DAAM2: variants seen among roughly 807,000 people sequenced by gnomAD.
The protein encoded by DAAM2 is dishevelled associated activator of morphogenesis 2, also known as disheveled-associated activator of morphogenesis 2.
DAAM2 carries 39 observed loss-of-function variants against 120.7 expected under a neutral mutation model. That is an observed-to-expected ratio of 0.32 (90% CI 0.25 to 0.42). DAAM2 has a LOEUF of 0.42. DAAM2 is among the 10% of genes least tolerant of loss of function. The pLI is 1.00. For missense variants in DAAM2, 1,283 were observed against 1,401.7 expected (o/e 0.92, Z 1.35); for synonymous variants, 488 against 524.9 (o/e 0.93, Z 0.96).
chr6:39,882,734 T>C (rs894252879), intron 14 of DAAM2, among the ~76,000 whole-genome samples: 14 of 149,918 alleles, frequency 9.3e-5, no homozygotes, highest in Admixed American at 3.3e-4. Context: ...CACACACACA[T>C]ACACACACTC....
Position 39,870,460 on chromosome 6 carries a change from C to G in DAAM2, c.977+17C>G. 1 of 1,497,154 alleles carries G rather than the reference C, an allele frequency of 6.7e-7. No individual in the cohort carries two copies. The highest frequency in any genetic ancestry group is 9.1e-7 in the Non-Finnish European group (1 of 1,094,228). 92.7% of individuals were successfully genotyped at this position (1,497,154 alleles called of 1,614,324 possible). ...CCTGGACAAGTAAGTTCCAAGCACC[C>G]GTCTCCATTGCAAACCTGTGGGGAC... On this transcript the variant is annotated intron_variant, in intron 8 of 24. Coordinates refer to ENST00000274867, the MANE Select transcript of DAAM2 (RefSeq NM_001201427.2).
intron 1 of DAAM2, among the ~76,000 whole-genome samples, chr6:39,852,552 T>G (rs1329975810): frequency 6.6e-6 from 1 of 151,924 alleles, no homozygotes; most frequent in Non-Finnish European, 1.5e-5. Context: ...GCAGGGCGAG[T>G]CTTACCTTGC....
In DAAM2 at chr6:39,901,486, C is replaced by CCAGG. The variant is rs779962317; in HGVS notation, c.2982+16_2982+19dup. 6.3e-7 allele frequency: 1 copy of CCAGG among 1,598,700 alleles called. No individual in the cohort carries two copies. Among genetic ancestry groups the CCAGG allele is most frequent in the Admixed American group, 1.7e-5 (1 of 59,772 alleles). ...ATGGAAGCCATGGTGAGGGGCAGTG[C>CCAGG]CAGGCCTGGGACTGAGGGGAGACGG... On this transcript the variant is annotated intron_variant, in intron 24 of 24. Coordinates refer to ENST00000274867, the MANE Select transcript of DAAM2 (RefSeq NM_001201427.2). The surrounding 1 kb of genome is among the most constrained non-coding windows in gnomAD (Gnocchi z 4.5).
Position 39,904,078 on chromosome 6 carries a change from G to C in DAAM2, c.*2041G>C. ...TCAACCTAACCCCCTCAGGGGCAGGGAACAGGGGAGGGCTCCACAAGCGTG... is the reference window on the plus strand; with the variant it reads ...TCAACCTAACCCCCTCAGGGGCAGGCAACAGGGGAGGGCTCCACAAGCGTG... On this transcript the variant is annotated 3_prime_UTR_variant, in exon 25 of 25. Coordinates refer to ENST00000274867, the MANE Select transcript of DAAM2 (RefSeq NM_001201427.2). The C allele has an allele frequency of 2.4e-6, 1 of 414,318 alleles. No individual in the cohort carries two copies. Among genetic ancestry groups the C allele is most frequent in the Non-Finnish European group, 4.8e-6 (1 of 207,982 alleles). The allele number at this position is 414,318 out of a possible 1,614,324, so 25.7% of individuals were successfully genotyped here.
chr6:39,871,767 T>C (rs764904797), intron 9 of DAAM2, among the ~76,000 whole-genome samples, 195 bp downstream of exon 9: 64 of 152,042 alleles, frequency 4.2e-4, no homozygotes, highest in African/African-American at 1.5e-3. Flanking sequence ...TATATAGAGA[T>C]AGACAGATGA....
chr6:39,880,028 G>C (rs1305278082), intron 14 of DAAM2: 1 of 185,358 alleles, frequency 5.4e-6, no homozygotes, highest in African/African-American at 2.4e-5. Context: ...GGTAGGGCTT[G>C]ATTCCTCTAT....
In DAAM2 at chr6:39,837,233, A is replaced by T. The variant is rs186861571; in HGVS notation, c.-56-19014A>T. 1.5e-3 allele frequency among the ~76,000 whole-genome samples: 222 copies of T among 152,232 alleles called. 2 individuals are homozygous for T. The highest frequency in any genetic ancestry group is 0.012 in the Admixed American group (180 of 15,302). On this transcript the variant is annotated intron_variant, in intron 1 of 24. Coordinates refer to ENST00000274867, the MANE Select transcript of DAAM2 (RefSeq NM_001201427.2). Reference sequence around the variant, plus strand: ...CTCCCCCGTCTCTCTTGGATCTGCCACCTGCAGGGTGGGTGCATCTTGGCA... The same window carrying T: ...CTCCCCCGTCTCTCTTGGATCTGCCTCCTGCAGGGTGGGTGCATCTTGGCA...
At chr6:39,847,819 C>T (rs9462580) in intron 1 of DAAM2, among the ~76,000 whole-genome samples, 49,463 of 151,948 alleles carry the variant, frequency 0.33, 9,109 homozygotes, top group Non-Finnish European at 0.41. Flanking sequence ...CCAGAAATGT[C>T]TCTTCTAATC....
intron 1 of DAAM2, among the ~76,000 whole-genome samples, chr6:39,834,788 G>A (rs568518090): frequency 7.2e-5 from 11 of 152,262 alleles, no homozygotes; most frequent in African/African-American, 2.4e-4. Context: ...CCAATGCCCC[G>A]GGAATTCTGA....
intron 1 of DAAM2, among the ~76,000 whole-genome samples, chr6:39,825,814 C>T (rs901710291): frequency 6.6e-6 from 1 of 152,180 alleles, no homozygotes; most frequent in Non-Finnish European, 1.5e-5. Flanking sequence ...GATTCTCTTG[C>T]AGTTCACAGC....
At chr6:39,831,311 G>A (rs1055278350) in intron 1 of DAAM2, among the ~76,000 whole-genome samples, 2 of 152,082 alleles carry the variant, frequency 1.3e-5, no homozygotes, top group Non-Finnish European at 2.9e-5. Context: ...GAGCGGGGCT[G>A]CTATTTCAGA....
chr6:39,889,680 T>C (rs1220270103), intron 17 of DAAM2, among the ~76,000 whole-genome samples: 3 of 152,314 alleles, frequency 2.0e-5, no homozygotes, highest in African/African-American at 7.2e-5. Context: ...ACTTTTGACT[T>C]CCCAACAACT....
At chr6:39,802,448 A>G (rs552267901) in intron 1 of DAAM2, among the ~76,000 whole-genome samples, 1 of 152,352 alleles carries the variant, frequency 6.6e-6, no homozygotes, top group South Asian at 2.1e-4. Context: ...CTTGGTTAAA[A>G]AAAAAGAAAA....
chr6:39,881,990 T>C (rs1341783680), intron 14 of DAAM2: 1 of 152,072 alleles, frequency 6.6e-6, no homozygotes, highest in Non-Finnish European at 1.5e-5. Flanking sequence ...GCTGGGAGCG[T>C]CAGCCAGCTA....
intron 1 of DAAM2, among the ~76,000 whole-genome samples, chr6:39,813,665 C>G (rs747984050): frequency 1.3e-5 from 2 of 152,154 alleles, no homozygotes; most frequent in Admixed American, 6.5e-5. Flanking sequence ...GAGCCCATCA[C>G]GGGGCACTGA....
chr6:39,818,988 A>G (rs1174331474), intron 1 of DAAM2: 5 of 152,182 alleles, frequency 3.3e-5, no homozygotes, highest in Admixed American at 6.5e-5. Flanking sequence ...CAGTGATGCC[A>G]GTGCCAGGGG....
chr6:39,801,401 C>G (rs1171413251), intron 1 of DAAM2, among the ~76,000 whole-genome samples: 1 of 152,156 alleles, frequency 6.6e-6, no homozygotes, highest in Admixed American at 6.5e-5. Context: ...TGGGTGGAAG[C>G]ATAATGAGAT....
At chr6:39,889,593 C>T (rs543744199) in intron 17 of DAAM2, among the ~76,000 whole-genome samples, 3 of 152,224 alleles carry the variant, frequency 2.0e-5, no homozygotes, top group East Asian at 3.9e-4. Flanking sequence ...AAAATAAATA[C>T]ACAAGAATAA....
chr6:39,888,510 G>T, intron 16 of DAAM2, 169 bp from the exon 17 acceptor site: 1 of 513,554 alleles, frequency 1.9e-6, no homozygotes, highest in Non-Finnish European at 3.6e-6. Flanking sequence ...CAAGTTTGTG[G>T]ACTGAATCAT....
Sources: gnomAD v4.1 joint callset for allele counts (sites outside exome capture counted in the v4.1 genomes callset) on GRCh38, gnomAD v4.1.1 for gene constraint, Gnocchi (gnomAD v3.1) non-coding constraint, MANE v1.5 for transcripts, NCBI Gene and HGNC (gene_info 2026-07-23, HGNC 2026-07-21) for gene names.